The following NKAIN2 variants were observed in gnomAD, a reference collection of about 807,000 sequenced individuals.
NKAIN2 encodes the protein sodium/potassium-transporting ATPase subunit beta-1-interacting protein 2.
A neutral mutation model predicts 32.6 loss-of-function variants in NKAIN2; 14 were observed. The ratio of observed to expected loss-of-function variants is 0.43; its 90% confidence interval spans 0.28 to 0.67. The LOEUF (loss-of-function observed/expected upper bound fraction) is 0.67. Ranked by LOEUF, NKAIN2 falls within the 30% of genes least tolerant of loss-of-function variation. NKAIN2 has a pLI of 0.17. For synonymous variants in NKAIN2, 80 were observed against 87.2 expected, an observed-to-expected ratio of 0.92 and a Z score of 0.46; for missense variants, 198 against 258.3, an observed-to-expected ratio of 0.77 and a Z score of 1.60.
At chr6:124,428,874 G>C (rs1775089615) in intron 3 of NKAIN2, among the ~76,000 whole-genome samples, 1 of 151,950 alleles carries the variant, frequency 6.6e-6, no homozygotes, top group Non-Finnish European at 1.5e-5. Flanking sequence ...GTATAAGAGG[G>C]GTAAAGAATA....
intron 1 of NKAIN2, among the ~76,000 whole-genome samples, chr6:123,833,427 A>G (rs951329611): frequency 6.6e-6 from 1 of 152,094 alleles, no homozygotes; most frequent in African/African-American, 2.4e-5. Flanking sequence ...GCCTTTCCAT[A>G]TAAGCTTTAG....
intron 3 of NKAIN2, among the ~76,000 whole-genome samples, chr6:124,454,474 A>G (rs1776245406): frequency 6.6e-6 from 1 of 152,052 alleles, no homozygotes; most frequent in Admixed American, 6.6e-5. Flanking sequence ...TATTTCCATT[A>G]TAAGTGATAA....
chr6:123,897,249 A>G (rs1774329403), intron 1 of NKAIN2, among the ~76,000 whole-genome samples: 1 of 152,056 alleles, frequency 6.6e-6, no homozygotes, highest in African/African-American at 2.4e-5. Flanking sequence ...GCACAGTAGT[A>G]CTCATAACCC....
chr6:124,213,925 T>C (rs1322870066), intron 1 of NKAIN2, among the ~76,000 whole-genome samples: 1 of 152,148 alleles, frequency 6.6e-6, no homozygotes, highest in Non-Finnish European at 1.5e-5. Context: ...TCAACAATAA[T>C]GTGAGAAAAT....
intron 1 of NKAIN2, among the ~76,000 whole-genome samples, chr6:123,842,531 C>A (rs902352): frequency 0.86 from 130,543 of 152,116 alleles, 57,291 homozygotes; most frequent in East Asian, 1. Context: ...ACATATGAAT[C>A]TTGAGGAGAC....
chr6:124,528,604 T>G (rs1161837484), intron 3 of NKAIN2, among the ~76,000 whole-genome samples: 1 of 152,202 alleles, frequency 6.6e-6, no homozygotes, highest in Non-Finnish European at 1.5e-5. Context: ...GTGTAGCAAT[T>G]TTCTTCAGAA....
chr6:124,346,861 A>C (rs1038121633), intron 2 of NKAIN2, among the ~76,000 whole-genome samples: 10 of 151,650 alleles, frequency 6.6e-5, no homozygotes, highest in African/African-American at 2.4e-4. Flanking sequence ...TTATGTGTGA[A>C]TTTGATCCTG....
chr6:124,227,355 C>T (rs1792174173), intron 1 of NKAIN2, among the ~76,000 whole-genome samples: 1 of 152,130 alleles, frequency 6.6e-6, no homozygotes, highest in Non-Finnish European at 1.5e-5. Flanking sequence ...GGAAGTAGAG[C>T]TATAACATTG....
At chr6:124,391,808 T>C (rs995201819) in intron 3 of NKAIN2, among the ~76,000 whole-genome samples, 3 of 152,164 alleles carry the variant, frequency 2.0e-5, no homozygotes, top group African/African-American at 2.4e-5. Flanking sequence ...TGTGATCTTA[T>C]GAACTCTTCG....
chr6:124,664,650 C>T (rs537048856), intron 4 of NKAIN2, among the ~76,000 whole-genome samples: 4 of 149,524 alleles, frequency 2.7e-5, no homozygotes, highest in South Asian at 2.1e-4. Flanking sequence ...AAAAATTAGC[C>T]GGGCGTAGTG....
intron 1 of NKAIN2, among the ~76,000 whole-genome samples, chr6:123,931,222 A>G (rs1347201539): frequency 6.6e-6 from 1 of 151,284 alleles, no homozygotes; most frequent in Non-Finnish European, 1.5e-5. Context: ...TCTCATTTAC[A>G]TAGCTCTATA....
At chr6:123,822,662 G>T (rs1436045641) in intron 1 of NKAIN2, among the ~76,000 whole-genome samples, 3 of 152,116 alleles carry the variant, frequency 2.0e-5, no homozygotes, top group African/African-American at 4.8e-5. Flanking sequence ...GTGTAGTGGG[G>T]GTTGTGAAAG....
At chr6:124,416,934 A>G (rs1774514769) in intron 3 of NKAIN2, among the ~76,000 whole-genome samples, 1 of 152,152 alleles carries the variant, frequency 6.6e-6, no homozygotes, top group South Asian at 2.1e-4. Flanking sequence ...ACTCCCACTT[A>G]GCAGCAATGA....
intron 1 of NKAIN2, among the ~76,000 whole-genome samples, chr6:123,915,997 T>C (rs1775475011): frequency 6.6e-6 from 1 of 152,144 alleles, no homozygotes; most frequent in African/African-American, 2.4e-5. Context: ...TTGGTTCATT[T>C]CTTGAGGCTT....
chr6:124,532,982 A>T (rs1387879260), intron 3 of NKAIN2, among the ~76,000 whole-genome samples: 3 of 152,142 alleles, frequency 2.0e-5, no homozygotes, highest in African/African-American at 7.2e-5. Flanking sequence ...CTTCCTGGTG[A>T]TGAGGCGCTG....
At chr6:124,786,646 G>A (rs1779518354) in intron 4 of NKAIN2, among the ~76,000 whole-genome samples, 1 of 151,916 alleles carries the variant, frequency 6.6e-6, no homozygotes, top group African/African-American at 2.4e-5. Context: ...TGAATTAGAA[G>A]TGAACAAATC....
chr6:124,740,440 A>G (rs1462928493), intron 4 of NKAIN2, among the ~76,000 whole-genome samples: 1 of 80,800 alleles, frequency 1.2e-5, no homozygotes, highest in Non-Finnish European at 2.5e-5. Context: ...ATATATACAC[A>G]TATACACGTG....
intron 4 of NKAIN2, among the ~76,000 whole-genome samples, chr6:124,708,569 G>T (rs958376092): frequency 6.6e-6 from 1 of 151,744 alleles, no homozygotes; most frequent in East Asian, 1.9e-4. Context: ...TCCCTTGTAA[G>T]TTGGATTCCT....
At chr6:124,140,030 C>G (rs769864633) in intron 1 of NKAIN2, among the ~76,000 whole-genome samples, 1 of 152,086 alleles carries the variant, frequency 6.6e-6, no homozygotes, top group Admixed American at 6.6e-5. Context: ...TGAGCTTCAG[C>G]GAACACAAGT....
Sources: gnomAD v4.1 joint callset for allele counts (sites outside exome capture counted in the v4.1 genomes callset) on GRCh38, gnomAD v4.1.1 for gene constraint, MANE v1.5 for transcripts, NCBI Gene and HGNC (gene_info 2026-07-23, HGNC 2026-07-21) for gene names.